VPS13C: variants seen among roughly 807,000 people sequenced by gnomAD.
VPS13C encodes intermembrane lipid transfer protein VPS13C.
VPS13C carries 358 observed loss-of-function variants against 456.8 expected under a neutral mutation model. That is an observed-to-expected ratio of 0.78 (90% confidence interval 0.72 to 0.86). VPS13C has a LOEUF of 0.86. VPS13C is among the 40% of genes least tolerant of loss of function. The pLI is 0.00. For missense variants in VPS13C, 4,818 were observed against 4,385.4 expected (o/e 1.10, Z -2.79); for synonymous variants, 1,578 against 1,486.7 (o/e 1.06, Z -1.41).
rs1893903171 is a variant in VPS13C at position 61,856,348 on chromosome 15, G to T, written c.11014C>A (p.Pro3672Thr). 1.2e-6 allele frequency: 2 copies of T among 1,613,124 alleles called. No individual in the cohort carries two copies. The highest frequency in any genetic ancestry group is 4.5e-5 in the East Asian group (2 of 44,782). The change falls in exon 83 of 85, where the codon CCA becomes ACA. Residue 3672 changes from proline (P) to threonine (T), a missense_variant. Coordinates refer to ENST00000644861, the MANE Select transcript of VPS13C (RefSeq NM_020821.3). ...LGLMCVDWQC[P>T]FEDFVFPPSV... ...GGAGGAAATACAAAATCTTCAAATGGACATTGCCAGTCTACACACATAAGG... is the reference window on the plus strand; with the variant it reads ...GGAGGAAATACAAAATCTTCAAATGTACATTGCCAGTCTACACACATAAGG...
At chr15:61,891,879 A>T (rs555420311) in intron 66 of VPS13C, among the ~76,000 whole-genome samples, 18 of 152,330 alleles carry the variant, frequency 1.2e-4, no homozygotes, top group African/African-American at 3.6e-4. Context: ...ATATCCCAGA[A>T]CTTGAACCTG....
At chr15:61,976,605 A>G (rs2045710163) in intron 24 of VPS13C, among the ~76,000 whole-genome samples, 1 of 152,046 alleles carries the variant, frequency 6.6e-6, no homozygotes, top group Admixed American at 6.6e-5. Flanking sequence ...AGCTAAGGCA[A>G]TATTTATCAA....
chr15:61,990,530 G>A (rs2046192134), intron 18 of VPS13C, among the ~76,000 whole-genome samples: 1 of 152,074 alleles, frequency 6.6e-6, no homozygotes, highest in African/African-American at 2.4e-5. Flanking sequence ...AAAGTTGGAG[G>A]CTGGGCACGG....
At chr15:62,022,080 T>C (rs940355002) in intron 8 of VPS13C, among the ~76,000 whole-genome samples, 1 of 151,890 alleles carries the variant, frequency 6.6e-6, no homozygotes, top group African/African-American at 2.4e-5. Flanking sequence ...TAGTGAATAG[T>C]GCTGAAATGA....
chr15:61,973,316 C>T, intron 26 of VPS13C, 138 bp downstream of exon 26: 1 of 649,304 alleles, frequency 1.5e-6, no homozygotes, highest in Admixed American at 2.8e-5. Flanking sequence ...CAGAGTCACA[C>T]TAATGTAGCA....
In VPS13C at chr15:61,913,383, G is replaced by A. The variant is rs2043360556; in HGVS notation, c.8478C>T (p.Ser2826=). 2 of 1,613,890 alleles carry A rather than the reference G, an allele frequency of 1.2e-6. No individual in the cohort carries two copies. Among genetic ancestry groups the A allele is most frequent in the Admixed American group, 3.3e-5 (2 of 60,002 alleles). Residue 2826 remains serine, a synonymous_variant, in exon 62 of 85, where the codon TCC becomes TCT. Transcript: ENST00000644861. ...CCACTGTATCCAATGAGAAACTACT[G>A]GACCAGGCACTGGTTGAAATTTTTA... is the stretch of plus-strand genomic sequence containing the variant. ...VQLKISTSAW[S]SSFSLDTVGS... is the part of the protein sequence containing the mutation.
intron 15 of VPS13C, among the ~76,000 whole-genome samples, chr15:62,006,915 T>C (rs1046678602): frequency 2.6e-5 from 4 of 152,208 alleles, no homozygotes; most frequent in African/African-American, 4.8e-5. Flanking sequence ...TAGTAAAAGC[T>C]GTTTTTTATA....
In VPS13C at chr15:62,033,477, G is replaced by A. The variant is rs778239562; in HGVS notation, c.349C>T (p.Arg117Ter). ...LQDVKQKELS[R>*]IEEALQKAAE... The stretch of plus-strand genomic sequence containing the variant: ...GCTTTTTGAAGGGCTTCTTCAATTC[G>A]GGATAGCTCTTTCTGTTTAACATCC... Residue 117 changes from arginine (R) to a stop codon, truncating the protein, a stop_gained, in exon 5 of 85, where the codon CGA becomes TGA. Coordinates refer to ENST00000644861, the MANE Select transcript of VPS13C (RefSeq NM_020821.3). LOFTEE classifies it high-confidence loss of function. 2.1e-5 allele frequency: 34 copies of A among 1,604,990 alleles called. No individual in the cohort carries two copies. The highest frequency in any genetic ancestry group is 2.9e-5 in the Non-Finnish European group (34 of 1,175,238).
In VPS13C at chr15:62,027,825, C is replaced by T. The variant is rs547073884; in HGVS notation, c.448+533G>A. On this transcript the variant is annotated intron_variant, in intron 6 of 84. Coordinates refer to ENST00000644861, the MANE Select transcript of VPS13C (RefSeq NM_020821.3). The stretch of plus-strand genomic sequence containing the variant: ...CAGTAAGACTTTAATTTGCCTTTTG[C>T]GAAGCTTGAAATTTCAATATGCTGT... 1.6e-4 allele frequency among the ~76,000 whole-genome samples: 25 copies of T among 151,974 alleles called. 1 individual carries two copies. The South Asian group carries it at 5.0e-3, about 30-fold the overall frequency.
Position 61,920,248 on chromosome 15 carries a change from A to G in VPS13C, c.7296T>C (p.Val2432=), listed in dbSNP as rs114090703. The G allele has an allele frequency of 8.0e-4, 1,295 of 1,613,600 alleles. 16 individuals carry two copies. In the East Asian group the frequency reaches 0.024, roughly 30 times the overall value. ...TACAATTGGGCTTCACCTTAATGGG[A>G]ACACCTACAGCATTTTTTACCGTAA... The part of the protein sequence containing the change: ...APFTVKNAVG[V]PIKVKPNCNL... Residue 2432 remains valine (V), a synonymous_variant, in exon 57 of 85, where the codon GTT becomes GTC. Transcript: ENST00000644861.
Position 62,060,405 on chromosome 15 carries a change from G to A in VPS13C, c.-31C>T, listed in dbSNP as rs2048966228. The A allele has an allele frequency of 3.3e-6, 4 of 1,210,822 alleles. No individual in the cohort carries two copies. The East Asian group carries it at 8.2e-5, about 25-fold the overall frequency. 75.0% of individuals were successfully genotyped at this position (1,210,822 alleles called of 1,614,324 possible). A position where few individuals can be genotyped will look rare whatever the true frequency, so the allele number is the denominator to read the frequency against. On this transcript the variant is annotated 5_prime_UTR_variant, in exon 1 of 85. Transcript: ENST00000644861. ...CGCTGAGGCACAAGGAGAGGGAGGA[G>A]CCGGAACCGCCCGGCGCAGCTGAGG...
In VPS13C at chr15:61,854,215, T is replaced by A; in HGVS notation, c.*242A>T. On this transcript the variant is annotated 3_prime_UTR_variant, in exon 85 of 85. Transcript: ENST00000644861. ...TTTCATTCTGAGTTTGAAGTGACGT[T>A]TCTTCAAGGGTCTGACCCATTTGGG... 1.9e-6 allele frequency: 1 copy of A among 518,916 alleles called. No homozygotes were observed. Among genetic ancestry groups the A allele is most frequent in the Non-Finnish European group, 3.4e-6 (1 of 290,472 alleles). 32.1% of individuals were successfully genotyped at this position (518,916 alleles called of 1,614,324 possible). A position where few individuals can be genotyped will look rare whatever the true frequency, so the allele number is the denominator to read the frequency against.
chr15:61,882,979 T>C (rs2140048183), intron 68 of VPS13C, among the ~76,000 whole-genome samples: 1 of 152,170 alleles, frequency 6.6e-6, no homozygotes, highest in African/African-American at 2.4e-5. Context: ...AAAACATGCT[T>C]TATGTAAAAG....
At chr15:61,904,013 C>A (rs766256492) in intron 66 of VPS13C, among the ~76,000 whole-genome samples, 1 of 152,102 alleles carries the variant, frequency 6.6e-6, no homozygotes, top group Admixed American at 6.5e-5. Context: ...AATCTAGGAC[C>A]TGATACCTTA....
intron 18 of VPS13C, among the ~76,000 whole-genome samples, chr15:61,986,940 T>C (rs1444518547): frequency 1.3e-5 from 2 of 152,008 alleles, no homozygotes; most frequent in African/African-American, 4.8e-5. Flanking sequence ...AAAAAAAATT[T>C]AAAAACTCAT....
chr15:61,894,550 A>T (rs72747874), intron 66 of VPS13C, among the ~76,000 whole-genome samples: 8,874 of 152,138 alleles, frequency 0.058, 459 homozygotes, highest in East Asian at 0.21. Flanking sequence ...ATTCCACACA[A>T]ATGGAAACCA....
At chr15:61,938,680 G>A (rs2044311306) in intron 47 of VPS13C, among the ~76,000 whole-genome samples, 1 of 152,112 alleles carries the variant, frequency 6.6e-6, no homozygotes, top group African/African-American at 2.4e-5. Context: ...TAAAGGAAAA[G>A]GACAGAGAAT....
At chr15:62,041,397 T>C in intron 2 of VPS13C, 31 bp from the exon 3 acceptor site, 2 of 1,582,930 alleles carry the variant, frequency 1.3e-6, no homozygotes, top group East Asian at 2.2e-5. Context: ...GTAAAGGACA[T>C]CTTAAATTAT....
intron 38 of VPS13C, 92 bp from the exon 39 acceptor site, chr15:61,952,072 G>C: frequency 1.4e-6 from 2 of 1,420,390 alleles, no homozygotes; most frequent in Admixed American, 4.3e-5. Flanking sequence ...AGTGATATAA[G>C]GAAGAAATTC....
Sources: allele counts gnomAD v4.1 joint callset (sites outside exome capture counted in the v4.1 genomes callset), GRCh38; gene constraint gnomAD v4.1.1; transcripts MANE v1.5; gene names NCBI Gene and HGNC (gene_info 2026-07-23, HGNC 2026-07-21).